The following CNNM2 variants were observed in gnomAD, a reference collection of about 807,000 sequenced individuals.
CNNM2 encodes the protein metal transporter CNNM2.
In CNNM2, 12 loss-of-function variants were observed where a neutral mutation model predicts 66.9. That is an observed-to-expected ratio of 0.18 (90% CI 0.11 to 0.29). The LOEUF is 0.29. CNNM2 is among the 10% of genes least tolerant of loss of function. The pLI is 1.00. For synonymous variants in CNNM2, 557 were observed against 501.8 expected (o/e 1.11, Z -1.47); for missense variants, 705 against 1,167.7 (o/e 0.60, Z 5.77).
chr10:103,031,685 G>C (rs551997107), intron 1 of CNNM2, among the ~76,000 whole-genome samples: 49 of 152,252 alleles, frequency 3.2e-4, no homozygotes, highest in African/African-American at 1.1e-3. Flanking sequence ...CCAGGAAGCA[G>C]GAGTTCAGGA....
chr10:103,070,133 ACCAACAC>A (rs992778399), intron 5 of CNNM2, among the ~76,000 whole-genome samples: 42 of 152,190 alleles, frequency 2.8e-4, no homozygotes, highest in African/African-American at 9.4e-4. Context: ...TCAACTGCTG[ACCAACAC>A]CCAACACCCA....
At chr10:102,998,202 T>C (rs1323643371) in intron 1 of CNNM2, among the ~76,000 whole-genome samples, 2 of 152,174 alleles carry the variant, frequency 1.3e-5, no homozygotes, top group African/African-American at 4.8e-5. Flanking sequence ...CTTCAGGCAG[T>C]GGTGTGGGTG....
At chr10:103,046,061 G>A (rs191707926) in intron 1 of CNNM2, among the ~76,000 whole-genome samples, 10 of 152,318 alleles carry the variant, frequency 6.6e-5, no homozygotes, top group Admixed American at 5.9e-4. Flanking sequence ...ATAAAATAAC[G>A]AGCATTACCA....
chr10:103,024,072 T>C lies in CNNM2; in HGVS notation c.1622-25635T>C, dbSNP rs72850116. Among the ~76,000 whole-genome samples the C allele has an allele frequency of 0.048, 7,323 of 152,232 alleles. 177 individuals carry two copies. Among genetic ancestry groups the C allele is most frequent in the Non-Finnish European group, 0.057 (3,853 of 67,998 alleles). On this transcript the variant is annotated intron_variant, in intron 1 of 7. Coordinates refer to ENST00000369878, the MANE Select transcript of CNNM2 (RefSeq NM_017649.5). ...TCTCTCCATATTCACATTTTCCCAA[T>C]TGTTCCACAAATGTCATTTGTAGTT...
chr10:103,082,809 G>A lies in CNNM2; in HGVS notation c.*5629G>A, dbSNP rs1390855259. The A allele has an allele frequency of 6.6e-6, 1 of 152,214 alleles. No homozygotes were observed. The highest frequency in any genetic ancestry group is 1.5e-5 in the Non-Finnish European group (1 of 68,104). The allele number at this position is 152,214 out of a possible 1,614,324, so 9.4% of individuals were successfully genotyped here. On this transcript the variant is annotated 3_prime_UTR_variant, in exon 8 of 8. Coordinates refer to ENST00000369878, the MANE Select transcript of CNNM2 (RefSeq NM_017649.5). ...CTACCTTGTGGGCAGGGCCTCTCAA[G>A]TACCTCCATGAAATATTTCCAAGGT...
At chr10:102,963,338 G>A (rs2063413748) in intron 1 of CNNM2, among the ~76,000 whole-genome samples, 2 of 152,192 alleles carry the variant, frequency 1.3e-5, no homozygotes, top group African/African-American at 4.8e-5. Flanking sequence ...GTCACATTAA[G>A]TGATGCCTTG....
rs2065760381 is a variant in CNNM2, at chr10:103,081,797, G to C, written c.*4617G>C. On this transcript the variant is annotated 3_prime_UTR_variant, in exon 8 of 8. Coordinates refer to ENST00000369878, the MANE Select transcript of CNNM2 (RefSeq NM_017649.5). ...GGAGATTCATATTCTAGAGTCCCTGGTCAACCCTACGGATGCGAAGAAGAG... is the reference window on the plus strand; with the variant it reads ...GGAGATTCATATTCTAGAGTCCCTGCTCAACCCTACGGATGCGAAGAAGAG... 6.6e-6 allele frequency: 1 copy of C among 152,214 alleles called. No homozygotes were observed. Among genetic ancestry groups the C allele is most frequent in the South Asian group, 2.1e-4 (1 of 4,810 alleles). The allele number at this position is 152,214 out of a possible 1,614,324, so 9.4% of individuals were successfully genotyped here.
At chr10:102,938,619 C>CAAAAAAAA (rs10596673) in intron 1 of CNNM2, among the ~76,000 whole-genome samples, 3 of 63,674 alleles carry the variant, frequency 4.7e-5, no homozygotes, top group East Asian at 5.6e-4. Context: ...GACCCTGTCT[C>CAAAAAAAA]AAAAAAAAAA....
Position 103,077,123 on chromosome 10 carries a change from G to A in CNNM2, c.2571G>A (p.Gln857=). ...AGACAGCCAACCTGCTCAACGAACA[G>A]AACTGTGTGACGCACAGTAAGGCCA... The part of the protein sequence containing the change: ...PDETANLLNE[Q]NCVTHSKANH... The change falls in exon 8 of 8, where the codon CAG becomes CAA. Residue 857 remains glutamine, a synonymous_variant. Coordinates refer to ENST00000369878, the MANE Select transcript of CNNM2 (RefSeq NM_017649.5). 6.2e-7 allele frequency: 1 copy of A among 1,613,966 alleles called. No homozygotes were observed. The highest frequency in any genetic ancestry group is 8.5e-7 in the Non-Finnish European group (1 of 1,179,902).
At chr10:102,996,137 G>A (rs1375160278) in intron 1 of CNNM2, among the ~76,000 whole-genome samples, 2 of 151,876 alleles carry the variant, frequency 1.3e-5, no homozygotes, top group Non-Finnish European at 2.9e-5. Flanking sequence ...TTTTATTCCT[G>A]ATGTTGTAAT....
At chr10:103,057,973 G>GT (rs1193542328) in intron 4 of CNNM2, among the ~76,000 whole-genome samples, 4 of 152,240 alleles carry the variant, frequency 2.6e-5, no homozygotes, top group Non-Finnish European at 5.9e-5. Flanking sequence ...GGAGGCCAAG[G>GT]TGGATATTAG....
At chr10:103,046,214 T>C (rs569725947) in intron 1 of CNNM2, among the ~76,000 whole-genome samples, 24 of 152,376 alleles carry the variant, frequency 1.6e-4, no homozygotes, top group African/African-American at 5.8e-4. Context: ...TGTTTGGTCA[T>C]GGTCTTCTGC....
chr10:103,072,397 C>T (rs1030638422), intron 6 of CNNM2, among the ~76,000 whole-genome samples: 14 of 152,168 alleles, frequency 9.2e-5, no homozygotes, highest in Admixed American at 1.3e-4. Context: ...CTCTGCTGTC[C>T]GCCAGGCAGG....
intron 1 of CNNM2, among the ~76,000 whole-genome samples, chr10:102,935,787 T>C (rs1013569557): frequency 6.9e-5 from 10 of 145,002 alleles, no homozygotes; most frequent in Non-Finnish European, 1.5e-4. Context: ...TTTTTTTTTT[T>C]TTTTTTTTTT....
At chr10:103,061,518 GA>G (rs1201077326) in intron 4 of CNNM2, among the ~76,000 whole-genome samples, 10 of 151,504 alleles carry the variant, frequency 6.6e-5, no homozygotes, top group Admixed American at 6.6e-5. Context: ...GTGATAAAAG[GA>G]AAAAAAAGTT....
intron 1 of CNNM2, among the ~76,000 whole-genome samples, chr10:103,036,820 G>T (rs2064948191): frequency 1.3e-5 from 2 of 152,108 alleles, no homozygotes; most frequent in South Asian, 4.1e-4. Flanking sequence ...AAGCATAAGG[G>T]CCACTGTCAA....
Position 102,918,665 on chromosome 10 carries a change from G to T in CNNM2, c.185G>T (p.Gly62Val). 1 of 1,550,142 alleles carries T rather than the reference G, an allele frequency of 6.5e-7. No individual in the cohort carries two copies. ...LLLSCCCGAG[G>V]CAAVGENEET... ...CTGAGCTGCTGCTGCGGTGCGGGCGGCTGCGCAGCGGTGGGCGAGAATGAG... is the reference window on the plus strand; with the variant it reads ...CTGAGCTGCTGCTGCGGTGCGGGCGTCTGCGCAGCGGTGGGCGAGAATGAG... The change falls in exon 1 of 8, where the codon GGC becomes GTC. Residue 62 changes from glycine to valine, a missense_variant. Coordinates refer to ENST00000369878, the MANE Select transcript of CNNM2 (RefSeq NM_017649.5). This position sits in a 1 kb window ranked among gnomAD's most constrained non-coding sequence, Gnocchi z 4.1.
intron 1 of CNNM2, among the ~76,000 whole-genome samples, chr10:102,963,653 T>A (rs887398333): frequency 2.6e-5 from 4 of 152,204 alleles, no homozygotes; most frequent in Non-Finnish European, 4.4e-5. Flanking sequence ...TCTTTTTTTT[T>A]ATTAAACACA....
chr10:103,024,773 C>G (rs1056088164), intron 1 of CNNM2, among the ~76,000 whole-genome samples: 3 of 152,046 alleles, frequency 2.0e-5, no homozygotes, highest in East Asian at 1.9e-4. Flanking sequence ...CCACCGCACC[C>G]GGCCGATATT....
Sources: allele counts gnomAD v4.1 joint callset (sites outside exome capture counted in the v4.1 genomes callset), GRCh38; gene constraint gnomAD v4.1.1; non-coding constraint Gnocchi (gnomAD v3.1); transcripts MANE v1.5; gene names NCBI Gene and HGNC (gene_info 2026-07-23, HGNC 2026-07-21).